Variants in TMEM130 observed in about 807,000 individuals in gnomAD.
TMEM130 encodes transmembrane protein 130.
A neutral mutation model predicts 42.9 loss-of-function variants in TMEM130; 37 were observed. The ratio of observed to expected loss-of-function variants is 0.86; its 90% CI spans 0.66 to 1.13. The LOEUF (loss-of-function observed/expected upper bound fraction) is 1.13, where lower values mean the gene tolerates loss of function less well. Among genes scored for constraint, TMEM130 ranks in the 50% most tolerant of loss-of-function variants. The pLI is 0.00. For synonymous variants in TMEM130, 259 were observed against 237.7 expected, an observed-to-expected ratio of 1.09 and a Z score of -0.82; for missense variants, 545 against 562.6, an observed-to-expected ratio of 0.97 and a Z score of 0.32.
chr7:98,869,572 TC>T lies in TMEM130; in HGVS notation c.85+204del, dbSNP rs1355531728. On this transcript the variant is annotated intron_variant, in intron 1 of 7. Coordinates refer to ENST00000339375, the MANE Select transcript of TMEM130 (RefSeq NM_152913.3). The surrounding 1 kb of genome is among the most constrained non-coding windows in gnomAD (Gnocchi z 4.7). Reference sequence around the variant, plus strand: ...AATCCAGGGGGTGCGGGGAGCCCCCTCCAGTGCCCAGGCGACTTTGGGGAAC... The same window carrying T: ...AATCCAGGGGGTGCGGGGAGCCCCCTCAGTGCCCAGGCGACTTTGGGGAAC... Among the ~76,000 whole-genome samples, 8 of 151,676 alleles carry T rather than the reference TC, an allele frequency of 5.3e-5. No individual in the cohort carries two copies. The highest frequency in any genetic ancestry group is 1.9e-4 in the African/African-American group (8 of 41,264).
At chr7:98,857,560 C>T (rs1327444907) in intron 3 of TMEM130, among the ~76,000 whole-genome samples, 1 of 151,762 alleles carries the variant, frequency 6.6e-6, no homozygotes, top group African/African-American at 2.4e-5. Flanking sequence ...ATTAGCCAGT[C>T]GTAATGTTAC....
intron 3 of TMEM130, among the ~76,000 whole-genome samples, chr7:98,858,052 A>C (rs1794674829): frequency 6.6e-6 from 1 of 152,098 alleles, no homozygotes; most frequent in South Asian, 2.1e-4. Flanking sequence ...AAAAACAAAA[A>C]CATATTCTAA....
In TMEM130 at chr7:98,860,232, C is replaced by T. The variant is rs144614895; in HGVS notation, c.498G>A (p.Pro166=). The change falls in exon 3 of 8, where the codon CCG becomes CCA. Residue 166 remains proline (P), a synonymous_variant. Transcript: ENST00000339375. ...VLKVSFLLHD[P]SNFLKTALFL... is the part of the protein sequence containing the mutation. ...ACAAGGCGGTCTTGAGGAAGTTGCT[C>T]GGGTCGTGGAGGAGGAAGGAGACTT... The T allele has an allele frequency of 1.0e-4, 163 of 1,613,964 alleles. 1 individual carries two copies. The African/African-American group carries it at 1.9e-3, about 19-fold the overall frequency.
chr7:98,861,820 GCTAA>G (rs1482015013), intron 2 of TMEM130, among the ~76,000 whole-genome samples: 1 of 152,154 alleles, frequency 6.6e-6, no homozygotes, highest in Non-Finnish European at 1.5e-5. Context: ...AAGAAAAGAA[GCTAA>G]CTAACATTCA....
intron 1 of TMEM130, chr7:98,865,649 G>A (rs1393492490): frequency 5.9e-5 from 9 of 152,084 alleles, no homozygotes; most frequent in African/African-American, 2.2e-4. Flanking sequence ...TGACCTTGTG[G>A]TTTTCAACTA....
At chr7:98,853,854 T>G (rs1476343210) in intron 5 of TMEM130, among the ~76,000 whole-genome samples, 1 of 152,192 alleles carries the variant, frequency 6.6e-6, no homozygotes, top group Admixed American at 6.5e-5. Flanking sequence ...TCTGCTTCCG[T>G]GTCATGCGGG....
chr7:98,869,739 C>T lies in TMEM130; in HGVS notation c.85+38G>A. 1 of 1,334,182 alleles carries T rather than the reference C, an allele frequency of 7.5e-7. No individual in the cohort carries two copies. The highest frequency in any genetic ancestry group is 3.8e-5 in the Admixed American group (1 of 26,480). 82.6% of individuals were successfully genotyped at this position (1,334,182 alleles called of 1,614,324 possible). A position where few individuals can be genotyped will look rare whatever the true frequency, so the allele number is the denominator to read the frequency against. ...GAGACGGTTCCAGGCCCCGGGCGGG[C>T]TGCGGCTGCAGGGAGGCCGGATTGC... On this transcript the variant is annotated intron_variant, in intron 1 of 7. Transcript: ENST00000339375. The surrounding 1 kb of genome is among the most constrained non-coding windows in gnomAD (Gnocchi z 4.7).
chr7:98,849,209 G>C (rs1031585487), intron 6 of TMEM130, among the ~76,000 whole-genome samples: 2 of 152,296 alleles, frequency 1.3e-5, no homozygotes, highest in South Asian at 2.1e-4. Context: ...CTATGAAATG[G>C]TATGGTAGAA....
At chr7:98,864,592 G>T (rs938686859) in intron 1 of TMEM130, among the ~76,000 whole-genome samples, 1 of 151,682 alleles carries the variant, frequency 6.6e-6, no homozygotes, top group African/African-American at 2.4e-5. Context: ...CTCTCTCTCT[G>T]TCAGGGTTAA....
chr7:98,857,520 C>A (rs1223631943), intron 3 of TMEM130, among the ~76,000 whole-genome samples: 1 of 151,886 alleles, frequency 6.6e-6, no homozygotes, highest in Non-Finnish European at 1.5e-5. Context: ...GGCAATTTGG[C>A]AAAACCCTGT....
At chr7:98,859,418 C>T (rs1794705430) in intron 3 of TMEM130, among the ~76,000 whole-genome samples, 1 of 152,236 alleles carries the variant, frequency 6.6e-6, no homozygotes, top group Non-Finnish European at 1.5e-5. Context: ...CCTTTACCTT[C>T]CTTAAATGGC....
chr7:98,869,858 C>A lies in TMEM130; in HGVS notation c.4G>T (p.Ala2Ser). The change falls in exon 1 of 8, where the codon GCC (alanine) becomes TCC (serine). Residue 2 changes from alanine (A) to serine (S), a missense_variant. Transcript: ENST00000339375. This position sits in a 1 kb window ranked among gnomAD's most constrained non-coding sequence, Gnocchi z 4.7. Reference protein sequence around the residue: MAQAVWSRLGRI... With the variant: MSQAVWSRLGRI... Reference sequence around the variant, plus strand: ...CCGAGGCGCGACCACACTGCCTGGGCCATTGCGGGGCCCGGAGCGGGAGAA... The same window carrying A: ...CCGAGGCGCGACCACACTGCCTGGGACATTGCGGGGCCCGGAGCGGGAGAA... 7.2e-7 allele frequency: 1 copy of A among 1,389,334 alleles called. No homozygotes were observed. The allele number at this position is 1,389,334 out of a possible 1,614,324, so 86.1% of individuals were successfully genotyped here.
chr7:98,869,440 C>T lies in TMEM130; in HGVS notation c.85+337G>A, dbSNP rs1002976506. The T allele has an allele frequency of 1.1e-5, 13 of 1,218,112 alleles. No homozygotes were observed. The highest frequency in any genetic ancestry group is 4.8e-5 in the African/African-American group (3 of 62,744). 75.5% of individuals were successfully genotyped at this position (1,218,112 alleles called of 1,614,324 possible). A position where few individuals can be genotyped will look rare whatever the true frequency, so the allele number is the denominator to read the frequency against. On this transcript the variant is annotated intron_variant, in intron 1 of 7. Coordinates refer to ENST00000339375, the MANE Select transcript of TMEM130 (RefSeq NM_152913.3). This position sits in a 1 kb window ranked among gnomAD's most constrained non-coding sequence, Gnocchi z 4.7. ...CTGGCGCATCCCCGCCTCCCTGCCTCGTCCTCCCCTCCCTTAGCGGGTGCA... is the reference window on the plus strand; with the variant it reads ...CTGGCGCATCCCCGCCTCCCTGCCTTGTCCTCCCCTCCCTTAGCGGGTGCA...
chr7:98,860,418 T>C (rs1278527675), intron 2 of TMEM130, 80 bp from the exon 3 acceptor site: 2 of 1,410,008 alleles, frequency 1.4e-6, no homozygotes, highest in East Asian at 2.4e-5. Context: ...CATGGGCAGC[T>C]GTCAAAGCCA....
intron 6 of TMEM130, among the ~76,000 whole-genome samples, chr7:98,850,025 T>C (rs1554397963): frequency 6.6e-6 from 1 of 151,862 alleles, no homozygotes; most frequent in Non-Finnish European, 1.5e-5. Context: ...AGAAAGAAGG[T>C]TGGGCATCCT....
At chr7:98,865,262 C>T (rs1328136357) in intron 1 of TMEM130, among the ~76,000 whole-genome samples, 1 of 152,200 alleles carries the variant, frequency 6.6e-6, no homozygotes, top group Non-Finnish European at 1.5e-5. Flanking sequence ...TCCAGAAATA[C>T]AGAACAAGCC....
chr7:98,860,719 TGGA>T (rs1794752210), intron 2 of TMEM130, among the ~76,000 whole-genome samples: 1 of 148,090 alleles, frequency 6.8e-6, no homozygotes, highest in Non-Finnish European at 1.5e-5. Flanking sequence ...CCGAGGTTGG[TGGA>T]TCACAAGGTC....
At position 98,869,470 on chromosome 7, in the gene TMEM130, C is replaced by T; in HGVS notation, c.85+307G>A. 1 of 859,726 alleles carries T rather than the reference C, an allele frequency of 1.2e-6. No homozygotes were observed. 53.3% of individuals were successfully genotyped at this position (859,726 alleles called of 1,614,324 possible). The stretch of plus-strand genomic sequence containing the variant: ...TCCCCTCCCTTAGCGGGTGCATGGT[C>T]CCCAGGCATCGACGGATGCGCCGGC... On this transcript the variant is annotated intron_variant, in intron 1 of 7. Coordinates refer to ENST00000339375, the MANE Select transcript of TMEM130 (RefSeq NM_152913.3). The surrounding 1 kb of genome is among the most constrained non-coding windows in gnomAD (Gnocchi z 4.7).
At position 98,848,170 on chromosome 7, in the gene TMEM130, C is replaced by G. The variant is rs782654653; in HGVS notation, c.1158G>C (p.Gln386His). The G allele has an allele frequency of 1.9e-6, 3 of 1,614,032 alleles. No homozygotes were observed. The South Asian group carries it at 3.3e-5, about 18-fold the overall frequency. The change falls in exon 8 of 8, where the codon CAG becomes CAC. Residue 386 changes from glutamine to histidine, a missense_variant. Transcript: ENST00000339375. The stretch of plus-strand genomic sequence containing the variant: ...CCAGCAAGAAAGGCCCACAGCACAT[C>G]TGGCAGCAGCACCTGACCCCAGAGG... ...EPPSGVRCCCQMCCGPFLLET... is the reference protein window; with the variant it reads ...EPPSGVRCCCHMCCGPFLLET...
Sources: allele counts gnomAD v4.1 joint callset (sites outside exome capture counted in the v4.1 genomes callset), GRCh38; gene constraint gnomAD v4.1.1; non-coding constraint Gnocchi (gnomAD v3.1); transcripts MANE v1.5; gene names NCBI Gene and HGNC (gene_info 2026-07-23, HGNC 2026-07-21).